FAR1: variants seen among roughly 807,000 people sequenced by gnomAD.
The protein encoded by FAR1 is male sterility domain-containing protein 2.
Under a neutral mutation model 61.1 loss-of-function variants are expected in FAR1, and 22 were observed. That is an observed-to-expected ratio of 0.36 (90% CI 0.26 to 0.51). The LOEUF (loss-of-function observed/expected upper bound fraction) is 0.51. Among genes scored for constraint, FAR1 ranks in the 20% least tolerant of loss-of-function variants. The pLI, the probability that FAR1 is intolerant of heterozygous loss-of-function variation, is 0.95. For synonymous variants in FAR1, 206 were observed against 209.7 expected (o/e 0.98, Z 0.15); for missense variants, 359 against 626.9 (o/e 0.57, Z 4.56).
chr11:13,711,955 C>T lies in FAR1; in HGVS notation c.796C>T (p.Arg266Cys), dbSNP rs1429943440. Reference protein sequence around the residue: ...AAGKGILRTIRASNNALADLV... With the variant: ...AAGKGILRTICASNNALADLV... ...AGGGAAAGGAATTCTTCGAACAATA[C>T]GTGCCTCCAACAATGCCCTTGCAGA... is the stretch of plus-strand genomic sequence containing the variant. The change falls in exon 7 of 12, where the codon CGT (arginine) becomes TGT (cysteine). Residue 266 changes from arginine to cysteine, a missense_variant. Physicochemically the swap from Arg to Cys is radical, Grantham distance 180. Transcript: ENST00000354817. 2 of 1,613,234 alleles carry T rather than the reference C, an allele frequency of 1.2e-6. No homozygotes were observed. The highest frequency in any genetic ancestry group is 1.1e-5 in the South Asian group (1 of 91,058).
chr11:13,679,938 TGGG>T (rs1183743861), intron 1 of FAR1, among the ~76,000 whole-genome samples: 1 of 151,640 alleles, frequency 6.6e-6, no homozygotes, highest in Admixed American at 6.6e-5. Context: ...AGAAGTGCCT[TGGG>T]GGGAAGTATT....
intron 1 of FAR1, among the ~76,000 whole-genome samples, chr11:13,678,834 G>A (rs180708067): frequency 3.9e-5 from 6 of 152,084 alleles, no homozygotes; most frequent in African/African-American, 1.4e-4. Flanking sequence ...TACCACAAAT[G>A]CTGCCTTGGA....
rs145600175 is a variant in FAR1 at position 13,723,442 on chromosome 11, G to A, written c.1257+1583G>A. ...CTTACATTTTTGCTGTTGAAAAGTC[G>A]GTAGTTGGCTCTTCCTTTATAGGTG... is the stretch of plus-strand genomic sequence containing the variant. On this transcript the variant is annotated intron_variant, in intron 10 of 11. Transcript: ENST00000354817. 1,088 of 394,584 alleles carry A rather than the reference G, an allele frequency of 2.8e-3. 1 individual carries two copies. Among genetic ancestry groups the A allele is most frequent in the Non-Finnish European group, 3.8e-3 (788 of 204,680 alleles). 24.4% of individuals were successfully genotyped at this position (394,584 alleles called of 1,614,324 possible). A position where few individuals can be genotyped will look rare whatever the true frequency, so the allele number is the denominator to read the frequency against.
At chr11:13,695,560 T>TA (rs1848299254) in intron 2 of FAR1, among the ~76,000 whole-genome samples, 1 of 152,212 alleles carries the variant, frequency 6.6e-6, no homozygotes, top group Admixed American at 6.5e-5. Context: ...TGACATTTAC[T>TA]AATAAATAGT....
chr11:13,686,813 A>G (rs1848191669), intron 1 of FAR1, among the ~76,000 whole-genome samples: 1 of 152,232 alleles, frequency 6.6e-6, no homozygotes, highest in African/African-American at 2.4e-5. Context: ...TTAGCCTTCC[A>G]TTAATATTAG....
intron 1 of FAR1, among the ~76,000 whole-genome samples, chr11:13,669,908 G>A (rs1847977062): frequency 6.6e-6 from 1 of 152,082 alleles, no homozygotes; most frequent in Non-Finnish European, 1.5e-5. Flanking sequence ...TTGGTTTAAA[G>A]ACAACATCAG....
intron 7 of FAR1, among the ~76,000 whole-genome samples, chr11:13,712,353 T>A (rs1285633665): frequency 6.6e-6 from 1 of 151,876 alleles, no homozygotes; most frequent in African/African-American, 2.4e-5. Context: ...ACTTGTTGAA[T>A]ATATAAAGAG....
chr11:13,702,814 TAAAGGGAAGCTTTA>T (rs1848390912), intron 3 of FAR1, among the ~76,000 whole-genome samples: 1 of 152,214 alleles, frequency 6.6e-6, no homozygotes, highest in African/African-American at 2.4e-5. Flanking sequence ...GTAAAACTCA[TAAAGGGAAGCTTTA>T]CAAGGAGGAC....
chr11:13,711,720 T>TA, intron 5 of FAR1, 44 bp from the exon 6 acceptor site: 1 of 1,375,424 alleles, frequency 7.3e-7, no homozygotes, highest in Admixed American at 1.9e-5. Flanking sequence ...TCTAGCTTCA[T>TA]AATGTTTCTA....
chr11:13,713,977 AT>A (rs1848529587), intron 8 of FAR1, among the ~76,000 whole-genome samples: 1 of 152,090 alleles, frequency 6.6e-6, no homozygotes, highest in South Asian at 2.1e-4. Context: ...CTCAATATAC[AT>A]TTCTAGTAAA....
chr11:13,721,787 A>G lies in FAR1; in HGVS notation c.1185A>G (p.Thr395=). 6.2e-7 allele frequency: 1 copy of G among 1,611,272 alleles called. No homozygotes were observed. Among genetic ancestry groups the G allele is most frequent in the Non-Finnish European group, 8.5e-7 (1 of 1,178,466 alleles). ...HKAMVFLEYF[T]SNSWVWNTEN... ...CTATGGTGTTTCTTGAATATTTCAC[A>G]AGTAATTCTTGGGTTTGGAATACTG... The change falls in exon 10 of 12, where the codon ACA becomes ACG. Residue 395 remains threonine (T), a synonymous_variant. Transcript: ENST00000354817. This position sits in a 1 kb window ranked among gnomAD's most constrained non-coding sequence, Gnocchi z 4.2.
At position 13,700,391 on chromosome 11, in the gene FAR1, A is replaced by G. The variant is rs1174052952; in HGVS notation, c.264A>G (p.Gln88=). ...KIIAINSELT[Q]PKLALSEEDK... ...TAGCAATCAACAGCGAACTCACCCA[A>G]CCTAAACTGGCTCTCAGTGAAGAAG... Residue 88 remains glutamine, a synonymous_variant, in exon 3 of 12, where the codon CAA becomes CAG. Transcript: ENST00000354817. The G allele has an allele frequency of 2.5e-6, 4 of 1,603,844 alleles. No individual in the cohort carries two copies. The highest frequency in any genetic ancestry group is 2.7e-5 in the African/African-American group (2 of 74,202).
chr11:13,712,682 T>A (rs1848513039), intron 7 of FAR1, among the ~76,000 whole-genome samples: 1 of 152,096 alleles, frequency 6.6e-6, no homozygotes, highest in African/African-American at 2.4e-5. Flanking sequence ...TTTGTTGTTT[T>A]CCTCGTGTTT....
chr11:13,676,570 C>A (rs1464228533), intron 1 of FAR1, among the ~76,000 whole-genome samples: 1 of 152,098 alleles, frequency 6.6e-6, no homozygotes, highest in Non-Finnish European at 1.5e-5. Flanking sequence ...CCCTGAGATA[C>A]AAGTGCTCAT....
rs1848422299 is a variant in FAR1, at chr11:13,705,429, A to G, written c.366-2471A>G. The stretch of plus-strand genomic sequence containing the variant: ...ATGCAAAGGGAAAAAGGCAAGGCAT[A>G]GAAGTGTTCCTCTCAAATTATCCCT... On this transcript the variant is annotated intron_variant, in intron 3 of 11. Coordinates refer to ENST00000354817, the MANE Select transcript of FAR1 (RefSeq NM_032228.6). Among the ~76,000 whole-genome samples the G allele has an allele frequency of 2.0e-5, 3 of 152,154 alleles. No homozygotes were observed. The South Asian group carries it at 6.2e-4, about 32-fold the overall frequency.
intron 1 of FAR1, among the ~76,000 whole-genome samples, chr11:13,675,435 T>A (rs1848057505): frequency 6.6e-6 from 1 of 152,156 alleles, no homozygotes; most frequent in African/African-American, 2.4e-5. Flanking sequence ...AATCTAATTT[T>A]GGCGCTATAG....
At chr11:13,686,251 C>T (rs1848183465) in intron 1 of FAR1, among the ~76,000 whole-genome samples, 1 of 152,126 alleles carries the variant, frequency 6.6e-6, no homozygotes, top group African/African-American at 2.4e-5. Flanking sequence ...TCCCTTTCTT[C>T]CCTTAACTAT....
At chr11:13,685,944 G>GGT (rs1054143427) in intron 1 of FAR1, among the ~76,000 whole-genome samples, 5 of 152,064 alleles carry the variant, frequency 3.3e-5, no homozygotes, top group African/African-American at 1.2e-4. Context: ...TTTAGAACTG[G>GGT]GTAGGACCTT....
Position 13,694,926 on chromosome 11 carries a change from A to T in FAR1, c.161A>T (p.Glu54Val). 6.2e-7 allele frequency: 1 copy of T among 1,613,126 alleles called. No individual in the cohort carries two copies. Among genetic ancestry groups the T allele is most frequent in the Non-Finnish European group, 8.5e-7 (1 of 1,179,552 alleles). The change falls in exon 2 of 12, where the codon GAG (glutamate) becomes GTG (valine). Residue 54 changes from glutamate to valine, a missense_variant. Physicochemically the swap from Glu to Val is moderately radical, Grantham distance 121. This residue lies in a region of FAR1 where 344 missense variants were observed against 570.3 expected (regional missense o/e 0.60). Transcript: ENST00000354817. Reference protein sequence around the residue: ...VRQKAGQTPQERVEEVLSGKL... With the variant: ...VRQKAGQTPQVRVEEVLSGKL... Reference sequence around the variant, plus strand: ...CAGAAAGCTGGACAGACACCACAAGAGCGAGTGGAAGAAGTCCTTAGTGGC... The same window carrying T: ...CAGAAAGCTGGACAGACACCACAAGTGCGAGTGGAAGAAGTCCTTAGTGGC...
Sources: allele counts gnomAD v4.1 joint callset (sites outside exome capture counted in the v4.1 genomes callset), GRCh38; gene constraint gnomAD v4.1.1; regional missense constraint gnomAD v4.1.1; non-coding constraint Gnocchi (gnomAD v3.1); transcripts MANE v1.5; gene names NCBI Gene and HGNC (gene_info 2026-07-23, HGNC 2026-07-21).